Variants in FBXL17 observed in about 807,000 individuals in gnomAD.
FBXL17 encodes the protein F-box and leucine rich repeat protein 17.
Under a neutral mutation model 66.2 loss-of-function variants are expected in FBXL17, and 22 were observed. That is an observed-to-expected ratio of 0.33 (90% CI 0.24 to 0.47). The LOEUF is 0.47. Ranked by LOEUF, FBXL17 falls within the 20% of genes least tolerant of loss-of-function variation. The pLI is 1.00. For synonymous variants in FBXL17, 474 were observed against 400.5 expected, an observed-to-expected ratio of 1.18 and a Z score of -2.19; for missense variants, 878 against 948.2, an observed-to-expected ratio of 0.93 and a Z score of 0.97.
chr5:107,977,779 C>G (rs1031197820), intron 7 of FBXL17, among the ~76,000 whole-genome samples: 4 of 152,158 alleles, frequency 2.6e-5, no homozygotes, highest in Non-Finnish European at 5.9e-5. Flanking sequence ...TTCAAGAAAC[C>G]CGGCACATAG....
chr5:108,190,227 T>G (rs1753416478), intron 5 of FBXL17, among the ~76,000 whole-genome samples: 1 of 152,234 alleles, frequency 6.6e-6, no homozygotes, highest in Non-Finnish European at 1.5e-5. Context: ...TCTGTCCCTC[T>G]TCAGATACTT....
chr5:107,873,340 T>G lies in FBXL17; in HGVS notation c.1965+7697A>C, dbSNP rs766825730. ...GGGGTAGGGAGTATATCTTGTTCAC[T>G]GTTTTTTCTGACCTATCACCTATCA... On this transcript the variant is annotated intron_variant, in intron 8 of 8. Transcript: ENST00000542267. Among the ~76,000 whole-genome samples the G allele has an allele frequency of 2.1e-4, 32 of 152,378 alleles. 1 individual carries two copies. In the South Asian group the frequency reaches 3.5e-3, roughly 17 times the overall value.
chr5:108,327,214 A>C (rs758260168), intron 4 of FBXL17, among the ~76,000 whole-genome samples: 3 of 152,222 alleles, frequency 2.0e-5, no homozygotes, highest in Non-Finnish European at 2.9e-5. Context: ...TTGATCCAGA[A>C]GTAAATCCAG....
At chr5:108,296,037 A>T (rs550947649) in intron 4 of FBXL17, among the ~76,000 whole-genome samples, 52 of 151,898 alleles carry the variant, frequency 3.4e-4, no homozygotes, top group Admixed American at 8.5e-4. Context: ...AGACAATAAC[A>T]TTAGTAATTC....
chr5:108,059,551 AG>A (rs1247899934), intron 6 of FBXL17, among the ~76,000 whole-genome samples: 1 of 152,210 alleles, frequency 6.6e-6, no homozygotes, highest in African/African-American at 2.4e-5. Flanking sequence ...CAGGGCCACC[AG>A]GTGGAAGGCT....
intron 6 of FBXL17, among the ~76,000 whole-genome samples, chr5:108,157,796 T>C (rs925825017): frequency 2.0e-5 from 3 of 152,042 alleles, no homozygotes; most frequent in African/African-American, 7.2e-5. Context: ...TTTAGCTTTT[T>C]AAAAGTTCAA....
chr5:108,274,096 T>C (rs1268339470), intron 4 of FBXL17, among the ~76,000 whole-genome samples: 3 of 152,168 alleles, frequency 2.0e-5, no homozygotes, highest in Non-Finnish European at 4.4e-5. Flanking sequence ...GAAATTAAAA[T>C]TGCTAATGAA....
At chr5:108,360,757 A>G (rs944806686) in intron 3 of FBXL17, among the ~76,000 whole-genome samples, 5 of 152,046 alleles carry the variant, frequency 3.3e-5, no homozygotes, top group Admixed American at 2.0e-4. Flanking sequence ...CCCATCTCTT[A>G]GGCTCTACTT....
At chr5:108,151,256 A>G (rs1173828702) in intron 6 of FBXL17, among the ~76,000 whole-genome samples, 1 of 152,202 alleles carries the variant, frequency 6.6e-6, no homozygotes, top group Admixed American at 6.5e-5. Context: ...TTCCATAAAA[A>G]GAAAGAAAGA....
chr5:108,285,951 G>A (rs1236788781), intron 4 of FBXL17, among the ~76,000 whole-genome samples: 1 of 151,836 alleles, frequency 6.6e-6, no homozygotes, highest in Admixed American at 6.6e-5. Context: ...CCACAATTAA[G>A]CAGGTTATTT....
chr5:108,039,407 A>G (rs1746964538), intron 6 of FBXL17, among the ~76,000 whole-genome samples: 1 of 152,110 alleles, frequency 6.6e-6, no homozygotes, highest in African/African-American at 2.4e-5. Context: ...GACAAAATAT[A>G]TCAACTAGAC....
At chr5:108,170,565 ACTC>A (rs1561445514) in intron 6 of FBXL17, among the ~76,000 whole-genome samples, 1 of 151,998 alleles carries the variant, frequency 6.6e-6, no homozygotes, top group Non-Finnish European at 1.5e-5. Context: ...CAAGAGTCTC[ACTC>A]TGTCGTCCAG....
At chr5:107,949,555 A>G (rs1383430871) in intron 7 of FBXL17, among the ~76,000 whole-genome samples, 3 of 152,188 alleles carry the variant, frequency 2.0e-5, no homozygotes, top group Admixed American at 1.3e-4. Flanking sequence ...CATTATTAGA[A>G]CTATCCAAAA....
chr5:108,165,382 T>C (rs908619867), intron 6 of FBXL17, among the ~76,000 whole-genome samples: 53 of 152,316 alleles, frequency 3.5e-4, no homozygotes, highest in African/African-American at 1.2e-3. Context: ...TAAGTAGTCT[T>C]TTCTTTTAAA....
At chr5:108,283,600 A>G (rs1056728733) in intron 4 of FBXL17, among the ~76,000 whole-genome samples, 2 of 151,958 alleles carry the variant, frequency 1.3e-5, no homozygotes, top group Admixed American at 6.6e-5. Context: ...CCTAGGGAAA[A>G]CTCTTCTGGA....
intron 4 of FBXL17, among the ~76,000 whole-genome samples, chr5:108,280,193 G>A (rs1211440098): frequency 6.6e-6 from 1 of 152,000 alleles, no homozygotes; most frequent in Non-Finnish European, 1.5e-5. Context: ...TAAAGTCAAA[G>A]TAAAAACAGC....
At chr5:108,340,634 C>A (rs2112427578) in intron 4 of FBXL17, among the ~76,000 whole-genome samples, 1 of 152,180 alleles carries the variant, frequency 6.6e-6, no homozygotes, top group South Asian at 2.1e-4. Context: ...CATTAATGTG[C>A]TAACTAGGTC....
chr5:108,291,686 C>A (rs1317541155), intron 4 of FBXL17, among the ~76,000 whole-genome samples: 2 of 152,156 alleles, frequency 1.3e-5, no homozygotes, highest in East Asian at 3.8e-4. Context: ...ACTAGACATT[C>A]CTAACCAAGT....
intron 6 of FBXL17, among the ~76,000 whole-genome samples, chr5:108,055,344 C>G (rs1401448693): frequency 1.5e-5 from 2 of 136,362 alleles, no homozygotes; most frequent in African/African-American, 5.4e-5. Context: ...CACGGTGGCT[C>G]ATGCCTGTAA....
Sources: allele counts gnomAD v4.1 joint callset (sites outside exome capture counted in the v4.1 genomes callset), GRCh38; gene constraint gnomAD v4.1.1; transcripts MANE v1.5; gene names NCBI Gene and HGNC (gene_info 2026-07-23, HGNC 2026-07-21).